Variants in NRXN1 observed in about 807,000 individuals in gnomAD.
NRXN1 encodes the protein neurexin 1.
In NRXN1, 39 loss-of-function variants were observed where a neutral mutation model predicts 150.9. The observed-to-expected ratio is 0.26, with a 90% confidence interval of 0.20 to 0.34. The LOEUF is 0.34. NRXN1 is among the 10% of genes least tolerant of loss of function. The pLI is 1.00. For synonymous variants in NRXN1, 924 were observed against 757.0 expected, an observed-to-expected ratio of 1.22 and a Z score of -3.62; for missense variants, 1,815 against 1,949.9, an observed-to-expected ratio of 0.93 and a Z score of 1.30.
intron 5 of NRXN1, among the ~76,000 whole-genome samples, chr2:50,770,724 A>T (rs1456363019): frequency 1.3e-5 from 2 of 152,036 alleles, no homozygotes; most frequent in Admixed American, 1.3e-4. Flanking sequence ...GGCATGATTC[A>T]TGAGTCCATT....
intron 5 of NRXN1, among the ~76,000 whole-genome samples, chr2:50,763,332 G>A (rs1237356887): frequency 1.3e-5 from 2 of 151,836 alleles, no homozygotes; most frequent in Non-Finnish European, 2.9e-5. Flanking sequence ...ACCATTGCTT[G>A]CCTGTAATTT....
intron 17 of NRXN1, among the ~76,000 whole-genome samples, chr2:50,258,847 C>T (rs146546849): frequency 2.6e-5 from 4 of 152,028 alleles, no homozygotes; most frequent in Admixed American, 6.6e-5. Context: ...TGTATATCTC[C>T]ATCATTGGGT....
At chr2:50,210,173 G>C (rs916908696) in intron 18 of NRXN1, among the ~76,000 whole-genome samples, 2 of 151,846 alleles carry the variant, frequency 1.3e-5, no homozygotes, top group South Asian at 2.1e-4. Context: ...CTAAAGAATA[G>C]CCTTGTTTTG....
intron 2 of NRXN1, among the ~76,000 whole-genome samples, chr2:51,025,130 C>T (rs1258686057): frequency 6.6e-6 from 1 of 152,272 alleles, no homozygotes; most frequent in East Asian, 1.9e-4. Context: ...TTCTGTGATA[C>T]TCAAAAGAAT....
At chr2:50,559,727 T>G (rs1462335942) in intron 8 of NRXN1, among the ~76,000 whole-genome samples, 1 of 152,172 alleles carries the variant, frequency 6.6e-6, no homozygotes, top group African/African-American at 2.4e-5. Flanking sequence ...ATATGGTATA[T>G]CTCTCAACAG....
intron 21 of NRXN1, among the ~76,000 whole-genome samples, chr2:50,004,678 T>C (rs1391051282): frequency 6.6e-6 from 1 of 152,098 alleles, no homozygotes; most frequent in Non-Finnish European, 1.5e-5. Context: ...AACCTGAAGG[T>C]AGGCCGAATT....
chr2:50,682,601 G>C (rs1434013084), intron 5 of NRXN1, among the ~76,000 whole-genome samples: 1 of 152,112 alleles, frequency 6.6e-6, no homozygotes, highest in Non-Finnish European at 1.5e-5. Flanking sequence ...TTCAGAAGCA[G>C]AAAGGGTAAA....
intron 18 of NRXN1, among the ~76,000 whole-genome samples, chr2:50,158,226 T>C (rs2059146454): frequency 6.6e-6 from 1 of 151,692 alleles, no homozygotes; most frequent in South Asian, 2.1e-4. Context: ...GATAGATTTG[T>C]CTTTCTATAA....
At chr2:50,252,258 C>CTTTTTTTTTTTTTTTTTTTTTTTT (rs143522284) in intron 17 of NRXN1, among the ~76,000 whole-genome samples, 115 of 69,712 alleles carry the variant, frequency 1.6e-3, no homozygotes, top group East Asian at 3.0e-3. Flanking sequence ...TTTTTCTTTT[C>CTTTTTTTTTTTTTTTTTTTTTTTT]TTTTTTTTTT....
chr2:50,528,710 A>T, intron 11 of NRXN1, 59 bp from the exon 12 acceptor site: 1 of 1,092,794 alleles, frequency 9.2e-7, no homozygotes, highest in East Asian at 2.5e-5. Flanking sequence ...ATAGCTGCAG[A>T]CATCCAATAA....
intron 17 of NRXN1, among the ~76,000 whole-genome samples, chr2:50,261,510 T>C (rs1228120982): frequency 1.3e-5 from 2 of 151,806 alleles, no homozygotes; most frequent in Non-Finnish European, 2.9e-5. Flanking sequence ...GGAAATGTGC[T>C]GAAGTCCAAA....
chr2:50,621,320 T>G (rs1418160615), intron 6 of NRXN1, 71 bp from the exon 7 acceptor site: 4 of 1,180,334 alleles, frequency 3.4e-6, no homozygotes, highest in Non-Finnish European at 4.9e-6. Context: ...TTAAAAAATA[T>G]GATGGTCTCT....
intron 5 of NRXN1, among the ~76,000 whole-genome samples, chr2:50,905,913 C>T (rs1370365250): frequency 2.0e-5 from 3 of 152,006 alleles, no homozygotes; most frequent in South Asian, 2.1e-4. Context: ...ATAACTTCCC[C>T]AATATTGCTT....
intron 18 of NRXN1, among the ~76,000 whole-genome samples, chr2:50,110,509 A>AG (rs1357233772): frequency 2.0e-5 from 3 of 151,310 alleles, no homozygotes; most frequent in East Asian, 1.9e-4. Context: ...AAAAAAAAAA[A>AG]AAAGAAAGAA....
At chr2:51,005,307 A>C (rs1700572757) in intron 2 of NRXN1, among the ~76,000 whole-genome samples, 1 of 152,022 alleles carries the variant, frequency 6.6e-6, no homozygotes, top group African/African-American at 2.4e-5. Context: ...TTGACATATA[A>C]TAATTGCAAA....
At chr2:50,278,274 AT>A (rs1282162730) in intron 17 of NRXN1, among the ~76,000 whole-genome samples, 41 of 90,220 alleles carry the variant, frequency 4.5e-4, no homozygotes, top group African/African-American at 1.7e-3. Flanking sequence ...TTATATATGT[AT>A]TATATATATA....
chr2:50,964,473 T>G (rs1693726784), intron 2 of NRXN1, among the ~76,000 whole-genome samples: 1 of 151,522 alleles, frequency 6.6e-6, no homozygotes. Flanking sequence ...CTTTTTCATT[T>G]AAAAGATGTA....
chr2:50,551,050 G>GAAGAAGAAGAAGAA (rs1553775723), intron 9 of NRXN1, among the ~76,000 whole-genome samples: 343 of 78,560 alleles, frequency 4.4e-3, no homozygotes, highest in East Asian at 1.0e-2. Flanking sequence ...AAGAGGAAGA[G>GAAGAAGAAGAAGAA]GAAGAAGAAG....
intron 5 of NRXN1, among the ~76,000 whole-genome samples, chr2:50,667,372 T>C (rs1292392519): frequency 6.6e-6 from 1 of 151,958 alleles, no homozygotes; most frequent in African/African-American, 2.4e-5. Context: ...ATGAAGGGCT[T>C]CAAATTATTA....
Sources: allele counts gnomAD v4.1 joint callset (sites outside exome capture counted in the v4.1 genomes callset), GRCh38; gene constraint gnomAD v4.1.1; transcripts MANE v1.5; gene names NCBI Gene and HGNC (gene_info 2026-07-23, HGNC 2026-07-21).